The following NELL1 variants were observed in gnomAD, a reference collection of about 807,000 sequenced individuals.
NELL1 encodes the protein protein kinase C-binding protein NELL1.
In NELL1, 76 loss-of-function variants were observed where a neutral mutation model predicts 107.4. That is an observed-to-expected ratio of 0.71 (90% CI 0.59 to 0.86). The LOEUF (loss-of-function observed/expected upper bound fraction) is 0.86. Among genes scored for constraint, NELL1 ranks in the 40% least tolerant of loss-of-function variants. The probability of loss-of-function intolerance (pLI) is 0.00; values close to 1 mark genes in which losing one functional copy is unlikely to be tolerated. For synonymous variants in NELL1, 353 were observed against 341.2 expected, an observed-to-expected ratio of 1.03 and a Z score of -0.38; for missense variants, 1,024 against 1,005.5, an observed-to-expected ratio of 1.02 and a Z score of -0.25.
intron 10 of NELL1, among the ~76,000 whole-genome samples, chr11:20,942,199 T>A (rs1259032139): frequency 1.3e-5 from 2 of 152,234 alleles, no homozygotes; most frequent in Non-Finnish European, 2.9e-5. Context: ...ACATTCCCTA[T>A]ATTCTGTCTC....
intron 13 of NELL1, among the ~76,000 whole-genome samples, chr11:21,139,816 T>G (rs144947454): frequency 6.6e-6 from 1 of 152,294 alleles, no homozygotes; most frequent in East Asian, 1.9e-4. Context: ...TGTTGGCCCA[T>G]GTGCACATAA....
intron 15 of NELL1, among the ~76,000 whole-genome samples, chr11:21,389,844 C>G (rs1412233450): frequency 6.6e-6 from 1 of 151,642 alleles, no homozygotes; most frequent in Non-Finnish European, 1.5e-5. Flanking sequence ...TGGGTTGTTT[C>G]CAGTTTGGGC....
chr11:21,499,996 AG>A (rs1408344911), intron 15 of NELL1, among the ~76,000 whole-genome samples: 4 of 152,250 alleles, frequency 2.6e-5, no homozygotes, highest in African/African-American at 9.6e-5. Flanking sequence ...AGGAATAGAT[AG>A]TTGGATTGGA....
intron 15 of NELL1, among the ~76,000 whole-genome samples, chr11:21,400,128 G>A (rs1945441): frequency 0.48 from 72,142 of 151,420 alleles, 18,676 homozygotes; most frequent in East Asian, 0.59. Flanking sequence ...AAAGTCAACC[G>A]TCACAAAACC....
At chr11:20,675,939 T>C (rs368329387) in intron 1 of NELL1, among the ~76,000 whole-genome samples, 6 of 151,966 alleles carry the variant, frequency 3.9e-5, no homozygotes, top group African/African-American at 1.5e-4. Flanking sequence ...TGTAGAGACA[T>C]GGTCTCCCTA....
At chr11:21,066,595 T>C (rs757044863) in intron 12 of NELL1, among the ~76,000 whole-genome samples, 17 of 152,174 alleles carry the variant, frequency 1.1e-4, no homozygotes, top group Non-Finnish European at 2.5e-4. Context: ...TCAATGCATA[T>C]TTATTAGAAT....
At chr11:21,215,697 C>A (rs1330702360) in intron 13 of NELL1, among the ~76,000 whole-genome samples, 1 of 152,132 alleles carries the variant, frequency 6.6e-6, no homozygotes, top group African/African-American at 2.4e-5. Context: ...AGACTGGCAG[C>A]ATTTTGCCTC....
chr11:21,407,635 A>G (rs1852267259), intron 15 of NELL1, among the ~76,000 whole-genome samples: 1 of 149,700 alleles, frequency 6.7e-6, no homozygotes, highest in South Asian at 2.1e-4. Context: ...ACCTACCAAG[A>G]CCAGTAATAT....
At chr11:21,128,086 G>A (rs7938558) in intron 13 of NELL1, among the ~76,000 whole-genome samples, 2 of 151,904 alleles carry the variant, frequency 1.3e-5, no homozygotes, top group African/African-American at 4.8e-5. Context: ...GACTCCTGGA[G>A]GGGAGCATCT....
chr11:21,194,225 C>A (rs753752330), intron 13 of NELL1, among the ~76,000 whole-genome samples: 39 of 151,970 alleles, frequency 2.6e-4, no homozygotes, highest in Non-Finnish European at 4.6e-4. Flanking sequence ...CTCTCTAGCA[C>A]CCATGCTGAC....
At position 21,527,349 on chromosome 11, in the gene NELL1, C is replaced by T. The variant is rs375254277; in HGVS notation, c.1646-7025C>T. ...TTCCCGTATCTTCCTGTCTTCTGAGCATCCCGAGTCTCTAGAAAGTTCCAA... is the reference window on the plus strand; with the variant it reads ...TTCCCGTATCTTCCTGTCTTCTGAGTATCCCGAGTCTCTAGAAAGTTCCAA... On this transcript the variant is annotated intron_variant, in intron 15 of 19. Transcript: ENST00000357134. 1.4e-4 allele frequency among the ~76,000 whole-genome samples: 22 copies of T among 152,276 alleles called. No individual in the cohort carries two copies. In the East Asian group the frequency reaches 4.1e-3, roughly 28 times the overall value.
chr11:20,843,724 G>T (rs1848658637), intron 3 of NELL1, among the ~76,000 whole-genome samples: 1 of 149,166 alleles, frequency 6.7e-6, no homozygotes, highest in Non-Finnish European at 1.5e-5. Context: ...TCAATTTTGG[G>T]GAAAATGATA....
At chr11:21,199,014 A>G (rs760434949) in intron 13 of NELL1, among the ~76,000 whole-genome samples, 38 of 152,120 alleles carry the variant, frequency 2.5e-4, no homozygotes, top group Admixed American at 8.5e-4. Flanking sequence ...TCACCATTGT[A>G]TTTCTTGTAC....
chr11:20,685,970 G>A (rs1427925001), intron 2 of NELL1, among the ~76,000 whole-genome samples: 3 of 151,874 alleles, frequency 2.0e-5, no homozygotes, highest in Non-Finnish European at 4.4e-5. Flanking sequence ...CAGTGGATAC[G>A]TCTCTTAATG....
At chr11:21,490,769 A>T (rs929472205) in intron 15 of NELL1, among the ~76,000 whole-genome samples, 3 of 151,970 alleles carry the variant, frequency 2.0e-5, no homozygotes, top group Admixed American at 6.6e-5. Flanking sequence ...GAAACTAGAT[A>T]CCCATTTCAC....
intron 2 of NELL1, among the ~76,000 whole-genome samples, chr11:20,748,533 G>GT (rs1181611084): frequency 6.6e-6 from 1 of 152,020 alleles, no homozygotes; most frequent in African/African-American, 2.4e-5. Flanking sequence ...CCAGTATGTA[G>GT]TTTTTTTAAT....
chr11:20,816,407 A>G (rs1025385169), intron 3 of NELL1, among the ~76,000 whole-genome samples: 1 of 152,086 alleles, frequency 6.6e-6, no homozygotes, highest in African/African-American at 2.4e-5. Context: ...TTTTGTGGCT[A>G]TTGTAAATGA....
chr11:20,845,484 T>TC (rs745890434), intron 3 of NELL1, among the ~76,000 whole-genome samples: 17 of 152,146 alleles, frequency 1.1e-4, no homozygotes, highest in Non-Finnish European at 2.2e-4. Context: ...TCATGTCCCT[T>TC]CCCCAAGTAA....
intron 12 of NELL1, among the ~76,000 whole-genome samples, chr11:21,076,880 C>T (rs902844509): frequency 3.3e-5 from 5 of 152,082 alleles, no homozygotes; most frequent in Admixed American, 1.3e-4. Context: ...ACGCTGAATC[C>T]CCTTCCCCTC....
Sources: allele counts gnomAD v4.1 joint callset (sites outside exome capture counted in the v4.1 genomes callset), GRCh38; gene constraint gnomAD v4.1.1; transcripts MANE v1.5; gene names NCBI Gene and HGNC (gene_info 2026-07-23, HGNC 2026-07-21).